APOO: variants seen among roughly 807,000 people sequenced by gnomAD.
The protein encoded by APOO is MICOS complex subunit MIC26.
Under a neutral mutation model 23.1 loss-of-function variants are expected in APOO, and 11 were observed. The observed-to-expected ratio is 0.48, with a 90% CI of 0.30 to 0.79. The LOEUF (loss-of-function observed/expected upper bound fraction) is 0.79, where lower values mean the gene tolerates loss of function less well. Ranked by LOEUF, APOO falls within the 30% of genes least tolerant of loss-of-function variation. APOO has a pLI of 0.07. For synonymous variants in APOO, 59 were observed against 54.8 expected (o/e 1.08, Z -0.34); for missense variants, 160 against 142.7 (o/e 1.12, Z -0.62).
At chrX:23,890,233 A>G (rs1013046005) in intron 1 of APOO, among the ~76,000 whole-genome samples, 1 of 112,055 alleles carries the variant, frequency 8.9e-6, no homozygotes, top group Non-Finnish European at 1.9e-5. Flanking sequence ...AAATTATGAC[A>G]TTTATTTACA....
intron 4 of APOO, among the ~76,000 whole-genome samples, chrX:23,869,908 C>T (rs1274625559): frequency 9.7e-5 from 10 of 102,590 alleles, no homozygotes; most frequent in African/African-American, 7.1e-5. Flanking sequence ...GCCAAGATCG[C>T]GCCACTGCAC....
chrX:23,895,875 T>TAAA (rs1238646772), intron 1 of APOO, among the ~76,000 whole-genome samples: 1 of 103,838 alleles, frequency 9.6e-6, no homozygotes, highest in African/African-American at 3.5e-5. Flanking sequence ...GCATTTTTTT[T>TAAA]AAAAAAAAAA....
At chrX:23,872,097 A>G (rs1161322076) in intron 4 of APOO, among the ~76,000 whole-genome samples, 1 of 111,513 alleles carries the variant, frequency 9.0e-6, no homozygotes, top group Non-Finnish European at 1.9e-5. Context: ...TCAATTCTAG[A>G]TGTGTACACA....
chrX:23,876,332 G>A (rs189511562), intron 3 of APOO, among the ~76,000 whole-genome samples: 34 of 105,755 alleles, frequency 3.2e-4, no homozygotes, highest in Non-Finnish European at 6.0e-4. Context: ...TATGATGTCC[G>A]AGCTACTTGG....
intron 5 of APOO, among the ~76,000 whole-genome samples, chrX:23,867,470 T>C (rs1925395500): frequency 8.9e-6 from 1 of 112,223 alleles, no homozygotes; most frequent in Admixed American, 9.5e-5. Context: ...GGAAGCTTTC[T>C]GAAACCCTCA....
rs764942136 is a variant in APOO, at chrX:23,886,373, A to G, written c.10-5421T>C. Among the ~76,000 whole-genome samples the G allele has an allele frequency of 5.4e-5, 6 of 111,973 alleles. No homozygotes were observed. The South Asian group carries it at 1.5e-3, about 28-fold the overall frequency. On this transcript the variant is annotated intron_variant, in intron 1 of 8. Transcript: ENST00000379226. ...CAAGTGAACTTTCTGGGGTGAAACA[A>G]TCTTGATTGGGGTATGGGTTATTCA...
rs746854621 is a variant in APOO at position 23,859,784 on chromosome X, C to T, written c.389-1051G>A. Among the ~76,000 whole-genome samples the T allele has an allele frequency of 6.3e-5, 7 of 111,847 alleles. No individual in the cohort carries two copies. The East Asian group carries it at 1.7e-3, about 27-fold the overall frequency. On this transcript the variant is annotated intron_variant, in intron 5 of 8. Coordinates refer to ENST00000379226, the MANE Select transcript of APOO (RefSeq NM_024122.5). Reference sequence around the variant, plus strand: ...TAAATGGAATCATGCAGTAAATATACGGTCCTTTGTGACTGGCTTCTTTCA... The same window carrying T: ...TAAATGGAATCATGCAGTAAATATATGGTCCTTTGTGACTGGCTTCTTTCA...
chrX:23,861,828 G>T (rs1160356888), intron 5 of APOO, among the ~76,000 whole-genome samples: 1 of 97,852 alleles, frequency 1.0e-5, no homozygotes, highest in Non-Finnish European at 2.0e-5. Context: ...TCCCGAGACG[G>T]AGTCTTGCTC....
chrX:23,903,398 G>C (rs1251952785), intron 1 of APOO, among the ~76,000 whole-genome samples: 1 of 110,298 alleles, frequency 9.1e-6, no homozygotes, highest in African/African-American at 3.3e-5. Flanking sequence ...GAGCATTTGA[G>C]GCCGCATCCC....
At chrX:23,851,919 T>TTATG (rs899384789) in intron 7 of APOO, among the ~76,000 whole-genome samples, 13 of 111,690 alleles carry the variant, frequency 1.2e-4, no homozygotes, top group Non-Finnish European at 2.1e-4. Flanking sequence ...GTGCCCTGTT[T>TTATG]TATGTATGTA....
At chrX:23,850,592 T>C (rs977867498) in intron 7 of APOO, among the ~76,000 whole-genome samples, 3 of 111,696 alleles carry the variant, frequency 2.7e-5, no homozygotes, top group Non-Finnish European at 5.6e-5. Context: ...TTTGGGAGGC[T>C]GAGGAGGGCG....
chrX:23,837,373 A>G (rs1923743592), intron 8 of APOO: 3 of 765,130 alleles, frequency 3.9e-6, no homozygotes, highest in Non-Finnish European at 5.7e-6. Flanking sequence ...ATGATAATAT[A>G]ATTACAATTA....
At chrX:23,861,390 G>A (rs777219506) in intron 5 of APOO, among the ~76,000 whole-genome samples, 1 of 109,416 alleles carries the variant, frequency 9.1e-6, no homozygotes, top group South Asian at 4.0e-4. Context: ...ATGATTGCAA[G>A]CAGCCCAAGG....
chrX:23,869,640 GAAAAA>G (rs761388017), intron 4 of APOO, among the ~76,000 whole-genome samples: 1 of 33,933 alleles, frequency 2.9e-5, no homozygotes, highest in African/African-American at 1.2e-4. Context: ...CTCTTAAAAA[GAAAAA>G]AAAAAAAAAA....
intron 1 of APOO, among the ~76,000 whole-genome samples, chrX:23,892,259 T>A (rs7880505): frequency 0.015 from 1,607 of 107,748 alleles, 31 homozygotes; most frequent in African/African-American, 0.05. Context: ...CTAATTATTT[T>A]TTTTTTTTTT....
chrX:23,841,243 C>T (rs1389100068), intron 7 of APOO, among the ~76,000 whole-genome samples: 1 of 110,455 alleles, frequency 9.1e-6, no homozygotes, highest in African/African-American at 3.3e-5. Context: ...CCTGTCATTT[C>T]AGAGCATGGT....
intron 3 of APOO, 98 bp downstream of exon 3, chrX:23,878,817 T>C: frequency 9.4e-7 from 1 of 1,058,662 alleles, no homozygotes; most frequent in Admixed American, 2.4e-5. Flanking sequence ...CTCAGGGCCC[T>C]TTATCATGCC....
chrX:23,878,857 C>G (rs1925979367), intron 3 of APOO, 58 bp downstream of exon 3: 3 of 1,169,449 alleles, frequency 2.6e-6, no homozygotes, highest in Middle Eastern at 2.4e-4. Flanking sequence ...CCAATACAGA[C>G]TTTCCTCTAT....
At chrX:23,865,837 G>A (rs1203017242) in intron 5 of APOO, among the ~76,000 whole-genome samples, 5 of 111,354 alleles carry the variant, frequency 4.5e-5, no homozygotes, top group African/African-American at 9.8e-5. Context: ...GTGTGTGTGC[G>A]TGCCTGTGTG....
Sources: gnomAD v4.1 joint callset for allele counts (sites outside exome capture counted in the v4.1 genomes callset) on GRCh38, gnomAD v4.1.1 for gene constraint, MANE v1.5 for transcripts, NCBI Gene and HGNC (gene_info 2026-07-23, HGNC 2026-07-21) for gene names.